The following CDK15 variants were observed in gnomAD, a reference collection of about 807,000 sequenced individuals.
The protein encoded by CDK15 is cyclin-dependent kinase 15.
In CDK15, 62 loss-of-function variants were observed where a neutral mutation model predicts 60.3. The observed-to-expected ratio is 1.03, with a 90% CI of 0.84 to 1.27. The LOEUF is 1.27. Among genes scored for constraint, CDK15 ranks in the 50% most tolerant of loss-of-function variants. The pLI is 0.00. For synonymous variants in CDK15, 194 were observed against 195.7 expected (o/e 0.99, Z 0.07); for missense variants, 541 against 527.8 (o/e 1.03, Z -0.25).
At chr2:201,869,154 A>G (rs899650576) in intron 10 of CDK15, among the ~76,000 whole-genome samples, 16 of 152,232 alleles carry the variant, frequency 1.1e-4, no homozygotes, top group African/African-American at 3.4e-4. Context: ...GATAGACTGG[A>G]TTAAGAAAAT....
intron 2 of CDK15, 73 bp downstream of exon 2, chr2:201,807,716 A>G (rs1695577661): frequency 2.5e-6 from 4 of 1,595,452 alleles, no homozygotes; most frequent in Non-Finnish European, 3.4e-6. Context: ...CCTTGCTTCC[A>G]GGGCAATTAC....
chr2:201,824,817 A>T, intron 6 of CDK15: 1 of 651,540 alleles, frequency 1.5e-6, no homozygotes, highest in Non-Finnish European at 2.2e-6. Flanking sequence ...CATCTGAAGG[A>T]CAGTGTTACA....
chr2:201,835,877 T>A, intron 8 of CDK15, 114 bp downstream of exon 8: 1 of 325,350 alleles, frequency 3.1e-6, no homozygotes, highest in Non-Finnish European at 4.5e-6. Context: ...TATTTTTATA[T>A]ATATTTATAT....
intron 12 of CDK15, chr2:201,888,534 A>G: frequency 6.6e-7 from 1 of 1,504,634 alleles, no homozygotes; most frequent in Non-Finnish European, 8.8e-7. Context: ...AAGGTTTTGC[A>G]TTTGTGAGAT....
intron 12 of CDK15, chr2:201,888,589 C>CCTTT (rs1397601322): frequency 1.0e-5 from 15 of 1,453,760 alleles, no homozygotes; most frequent in African/African-American, 5.8e-5. Context: ...TTTTTATTTC[C>CCTTT]CTTTCTTTCT....
intron 8 of CDK15, among the ~76,000 whole-genome samples, chr2:201,847,112 A>G (rs950496027): frequency 8.5e-5 from 13 of 152,138 alleles, no homozygotes; most frequent in Non-Finnish European, 1.5e-4. Flanking sequence ...TTCTCCTAAA[A>G]CAGATAATGA....
At chr2:201,861,209 A>G in intron 10 of CDK15, 2 of 1,015,156 alleles carry the variant, frequency 2.0e-6, no homozygotes, top group Non-Finnish European at 2.4e-6. Context: ...AATGGGAGAA[A>G]TCCTATCATT....
At chr2:201,830,906 T>C (rs1696724406) in intron 6 of CDK15, among the ~76,000 whole-genome samples, 1 of 152,106 alleles carries the variant, frequency 6.6e-6, no homozygotes. Context: ...CACTTGAGAA[T>C]ATTATAGGGA....
chr2:201,830,609 G>A (rs1435747291), intron 6 of CDK15, among the ~76,000 whole-genome samples: 2 of 152,196 alleles, frequency 1.3e-5, no homozygotes, highest in Non-Finnish European at 2.9e-5. Context: ...TGGAGCTGAG[G>A]TTGGCTAGAG....
chr2:201,815,499 G>A (rs1292568075), intron 4 of CDK15, among the ~76,000 whole-genome samples: 2 of 152,100 alleles, frequency 1.3e-5, no homozygotes, highest in African/African-American at 4.8e-5. Flanking sequence ...AAAAGCAGAG[G>A]CCTTCATAGT....
At chr2:201,886,836 G>GT (rs1038825215) in intron 12 of CDK15, among the ~76,000 whole-genome samples, 4 of 152,274 alleles carry the variant, frequency 2.6e-5, no homozygotes, top group African/African-American at 9.6e-5. Context: ...TAAATTAGTT[G>GT]TTTTTTCCTG....
chr2:201,866,824 A>G (rs905001932), intron 10 of CDK15, among the ~76,000 whole-genome samples: 1 of 152,178 alleles, frequency 6.6e-6, no homozygotes, highest in Non-Finnish European at 1.5e-5. Flanking sequence ...GCCTCAGGTT[A>G]TCTGCCTGAG....
chr2:201,809,116 A>G (rs1695641211), intron 3 of CDK15, among the ~76,000 whole-genome samples: 1 of 152,148 alleles, frequency 6.6e-6, no homozygotes, highest in Admixed American at 6.5e-5. Context: ...AACATCTGCA[A>G]TAAAGGACCA....
intron 3 of CDK15, among the ~76,000 whole-genome samples, chr2:201,811,342 G>A (rs1024941794): frequency 1.3e-5 from 2 of 152,026 alleles, no homozygotes; most frequent in African/African-American, 4.8e-5. Context: ...AGTAGAGACG[G>A]GGTTTCACTG....
In CDK15 at chr2:201,854,863, G is replaced by T. The variant is rs1219687276; in HGVS notation, c.946-11G>T. 1.2e-6 allele frequency: 2 copies of T among 1,613,340 alleles called. No individual in the cohort carries two copies. Among genetic ancestry groups the T allele is most frequent in the Admixed American group, 1.7e-5 (1 of 59,996 alleles). On this transcript the variant is annotated splice_polypyrimidine_tract_variant and intron_variant, in intron 9 of 13. Transcript: ENST00000652192. The stretch of plus-strand genomic sequence containing the variant: ...CCTCACCTTTCTTTTTCTTTGTTTG[G>T]CTTTATATAGGTGCTGGGAGTCCCT...
rs749992898 is a variant in CDK15, at chr2:201,812,511, G to A, written c.397G>A (p.Val133Ile). 2 of 1,613,090 alleles carry A rather than the reference G, an allele frequency of 1.2e-6. No individual in the cohort carries two copies. The highest frequency in any genetic ancestry group is 8.5e-7 in the Non-Finnish European group (1 of 1,179,404). The change falls in exon 4 of 14, where the codon GTC becomes ATC. Residue 133 changes from valine (V) to isoleucine (I), a missense_variant. Coordinates refer to ENST00000652192, the MANE Select transcript of CDK15 (RefSeq NM_001366386.2). ...RINGQLVALK[V>I]ISMNAEEGVP... ...AAATGGACAACTAGTGGCTTTAAAA[G>A]TCATCAGCATGAATGCAGAGGAAGG...
intron 4 of CDK15, among the ~76,000 whole-genome samples, chr2:201,821,790 C>T (rs1696230777): frequency 6.6e-6 from 1 of 152,144 alleles, no homozygotes; most frequent in African/African-American, 2.4e-5. Context: ...CTTGCCTCAG[C>T]TTCCCGAGTG....
Position 201,823,683 on chromosome 2 carries a change from T to C in CDK15, c.562T>C (p.Tyr188His). The C allele has an allele frequency of 3.7e-6, 6 of 1,613,900 alleles. No individual in the cohort carries two copies. The highest frequency in any genetic ancestry group is 3.3e-4 in the Middle Eastern group (2 of 6,062). Reference protein sequence around the residue: ...FEYMHTDLAQYMSQHPGGLHP... With the variant: ...FEYMHTDLAQHMSQHPGGLHP... ...TATTTAGCACACAGACCTGGCCCAGTATATGTCTCAGCATCCAGGAGGGCT... is the reference window on the plus strand; with the variant it reads ...TATTTAGCACACAGACCTGGCCCAGCATATGTCTCAGCATCCAGGAGGGCT... Residue 188 changes from tyrosine (Y) to histidine (H), a missense_variant, in exon 6 of 14, where the codon TAT becomes CAT. Coordinates refer to ENST00000652192, the MANE Select transcript of CDK15 (RefSeq NM_001366386.2).
intron 11 of CDK15, among the ~76,000 whole-genome samples, chr2:201,879,688 C>A (rs1273482122): frequency 6.6e-6 from 1 of 152,142 alleles, no homozygotes; most frequent in African/African-American, 2.4e-5. Context: ...GTTGGGGCTG[C>A]AGTGTTCCTC....
Sources: allele counts gnomAD v4.1 joint callset (sites outside exome capture counted in the v4.1 genomes callset), GRCh38; gene constraint gnomAD v4.1.1; transcripts MANE v1.5; gene names NCBI Gene and HGNC (gene_info 2026-07-23, HGNC 2026-07-21).